DUSP15: variants seen among roughly 807,000 people sequenced by gnomAD.
DUSP15 encodes the protein dual specificity protein phosphatase 15.
A neutral mutation model predicts 26.3 loss-of-function variants in DUSP15; 23 were observed. The ratio of observed to expected loss-of-function variants is 0.87; its 90% CI spans 0.63 to 1.24. DUSP15 has a LOEUF of 1.24. DUSP15 is among the 50% of genes most tolerant of loss of function. The probability of loss-of-function intolerance (pLI) is 0.00; values close to 1 mark genes in which losing one functional copy is unlikely to be tolerated. For synonymous variants in DUSP15, 143 were observed against 135.5 expected (o/e 1.06, Z -0.39); for missense variants, 364 against 320.6 (o/e 1.14, Z -1.03).
At chr20:31,848,206 C>A in exon 10 of DUSP15, 1 of 534,982 alleles carries the variant, frequency 1.9e-6, no homozygotes, top group Non-Finnish European at 3.2e-6. Flanking sequence ...CAGTTTCCTG[C>A]CGAAGCCCCA....
rs1223026802 is a variant in DUSP15, at chr20:31,867,055, TG to T, written c.138+15del. On this transcript the variant is annotated intron_variant, in intron 3 of 6. Coordinates refer to ENST00000339738, the MANE Select transcript of DUSP15 (RefSeq NM_080611.5). ...CTCCCACCCCCGCATAGCCCTGGGA[TG>T]GGGGTAAGAAGTACCTGCAGCAGAG... 1.3e-6 allele frequency: 2 copies of T among 1,568,220 alleles called. No individual in the cohort carries two copies. Among genetic ancestry groups the T allele is most frequent in the Non-Finnish European group, 8.7e-7 (1 of 1,154,808 alleles).
chr20:31,846,324 G>A (rs1017164082), downstream of DUSP15, among the ~76,000 whole-genome samples: 1 of 143,514 alleles, frequency 7.0e-6, no homozygotes, highest in African/African-American at 2.6e-5. Flanking sequence ...ACACACACAC[G>A]TAGTATACGG....
chr20:31,863,086 G>A lies in DUSP15; in HGVS notation c.264-344C>T, dbSNP rs866037967. On this transcript the variant is annotated intron_variant, in intron 5 of 6. Coordinates refer to ENST00000339738, the MANE Select transcript of DUSP15 (RefSeq NM_080611.5). The stretch of plus-strand genomic sequence containing the variant: ...GCTTACAGTATGGCTGGGGGGGGGG[G>A]ACAGACGTTGATCAGATAATCAATT... 8.7e-3 allele frequency among the ~76,000 whole-genome samples: 1,137 copies of A among 131,238 alleles called. 15 individuals are homozygous for A. The highest frequency in any genetic ancestry group is 0.031 in the African/African-American group (1,061 of 34,446). The allele number at this position is 131,238 out of a possible 152,430, so 86.1% of individuals were successfully genotyped here.
downstream of DUSP15, chr20:31,845,714 C>T: frequency 1.3e-6 from 1 of 745,766 alleles, no homozygotes; most frequent in East Asian, 2.7e-5. Flanking sequence ...TCCCTCGCCC[C>T]ACTCCCACAA....
Position 31,861,375 on chromosome 20 carries a change from A to C in DUSP15, c.*28T>G, listed in dbSNP as rs2062645520. 2 of 1,511,400 alleles carry C rather than the reference A, an allele frequency of 1.3e-6. No individual in the cohort carries two copies. The highest frequency in any genetic ancestry group is 1.8e-6 in the Non-Finnish European group (2 of 1,138,240). The allele number at this position is 1,511,400 out of a possible 1,614,324, so 93.6% of individuals were successfully genotyped here. A position where few individuals can be genotyped will look rare whatever the true frequency, so the allele number is the denominator to read the frequency against. On this transcript the variant is annotated 3_prime_UTR_variant, in exon 7 of 7. Coordinates refer to ENST00000339738, the MANE Select transcript of DUSP15 (RefSeq NM_080611.5). ...CAGCCCCCGAAGGGAGCCAGTCGGA[A>C]GTGGGGAGCCACGGCTGGACTGCAT... is the stretch of plus-strand genomic sequence containing the variant.
exon 8 of DUSP15, chr20:31,849,756 G>A: frequency 6.5e-7 from 1 of 1,540,478 alleles, no homozygotes; most frequent in Non-Finnish European, 8.7e-7. Context: ...ACGTGAGGTG[G>A]CGGCCCCAGC....
chr20:31,864,115 A>C, intron 4 of DUSP15, 134 bp from the exon 5 acceptor site: 8 of 1,495,886 alleles, frequency 5.3e-6, no homozygotes, highest in Non-Finnish European at 7.2e-6. Flanking sequence ...ACATGCAGTG[A>C]ATATGGGCCA....
At chr20:31,848,225 T>G (rs952478255) in exon 10 of DUSP15, 17 of 575,912 alleles carry the variant, frequency 3.0e-5, no homozygotes, top group Non-Finnish European at 4.6e-5. Flanking sequence ...CATGCCCAGC[T>G]GGGGGGCGGT....
chr20:31,846,476 G>GAGAGAGAGAGAGAGAGAGAGAGA (rs1555791617), downstream of DUSP15, among the ~76,000 whole-genome samples: 3 of 128,448 alleles, frequency 2.3e-5, no homozygotes, highest in African/African-American at 1.2e-4. Context: ...GAGAGAGAGA[G>GAGAGAGAGAGAGAGAGAGAGAGA]GAGAGAGAGG....
intron 2 of DUSP15, among the ~76,000 whole-genome samples, chr20:31,868,488 T>A (rs1436750322): frequency 6.8e-6 from 1 of 146,998 alleles, no homozygotes; most frequent in African/African-American, 2.5e-5. Context: ...TTTTTTTTTT[T>A]TTTTTTTTTG....
At chr20:31,855,223 A>C (rs542949617) in intron 6 of DUSP15, among the ~76,000 whole-genome samples, 46 of 152,314 alleles carry the variant, frequency 3.0e-4, no homozygotes, top group African/African-American at 9.1e-4. Flanking sequence ...TGAAATAAGA[A>C]GGCAGAGAAT....
intron 6 of DUSP15, among the ~76,000 whole-genome samples, chr20:31,862,047 C>T (rs2062672268): frequency 6.6e-6 from 1 of 152,116 alleles, no homozygotes; most frequent in Non-Finnish European, 1.5e-5. Context: ...AGATTTCTTC[C>T]TTGCCCGACT....
chr20:31,864,078 A>T, intron 4 of DUSP15, 97 bp from the exon 5 acceptor site: 1 of 1,572,092 alleles, frequency 6.4e-7, no homozygotes, highest in Non-Finnish European at 8.7e-7. Flanking sequence ...AGGGACATAG[A>T]GCCCTGGGGT....
intron 3 of DUSP15, among the ~76,000 whole-genome samples, 165 bp from the exon 4 acceptor site, chr20:31,865,167 C>G (rs2062740920): frequency 1.3e-5 from 2 of 152,136 alleles, no homozygotes; most frequent in African/African-American, 4.8e-5. Context: ...CTGAGGCCTC[C>G]CAGCTGTGAC....
chr20:31,870,603 C>T (rs1247407868), upstream of DUSP15: 4 of 1,379,748 alleles, frequency 2.9e-6, no homozygotes, highest in Admixed American at 3.1e-5. The surrounding 1 kb of genome is among the most constrained non-coding windows in gnomAD (Gnocchi z 6.6). Flanking sequence ...GCCCCCGCCT[C>T]GGGTCGCGGC....
In DUSP15 at chr20:31,861,525, T is replaced by C. The variant is rs1295182377; in HGVS notation, c.586A>G (p.Thr196Ala). 1 of 1,519,084 alleles carries C rather than the reference T, an allele frequency of 6.6e-7. No homozygotes were observed. The highest frequency in any genetic ancestry group is 2.0e-5 in the Admixed American group (1 of 49,098). The allele number at this position is 1,519,084 out of a possible 1,614,324, so 94.1% of individuals were successfully genotyped here. ...GTGCGCGGCACCAGGCGCTGCACGG[T>C]TCCCTCGGAGGCTGCTGAGTGCGGC... The part of the protein sequence containing the change: ...AGPHSAASEG[T>A]VQRLVPRTPR... The change falls in exon 7 of 7, where the codon ACC becomes GCC. Residue 196 changes from threonine (T) to alanine (A), a missense_variant. Thr to Ala is a moderately conservative substitution (Grantham distance 58). Coordinates refer to ENST00000339738, the MANE Select transcript of DUSP15 (RefSeq NM_080611.5).
intron 5 of DUSP15, 69 bp from the exon 6 acceptor site, chr20:31,862,811 C>A: frequency 6.8e-7 from 1 of 1,462,696 alleles, no homozygotes; most frequent in Non-Finnish European, 9.1e-7. Context: ...AGGCACCCCA[C>A]CCTGCTTCAA....
At chr20:31,855,279 G>A (rs1009076693) in intron 6 of DUSP15, among the ~76,000 whole-genome samples, 2 of 152,184 alleles carry the variant, frequency 1.3e-5, no homozygotes, top group Admixed American at 6.5e-5. Flanking sequence ...TGGTTGGGGG[G>A]CAACTTACCT....
At chr20:31,865,528 A>C (rs1212659451) in intron 3 of DUSP15, among the ~76,000 whole-genome samples, 1 of 152,222 alleles carries the variant, frequency 6.6e-6, no homozygotes, top group Non-Finnish European at 1.5e-5. Flanking sequence ...CTGATTAGCC[A>C]CACAATATCA....
Sources: gnomAD v4.1 joint callset for allele counts (sites outside exome capture counted in the v4.1 genomes callset) on GRCh38, gnomAD v4.1.1 for gene constraint, Gnocchi (gnomAD v3.1) non-coding constraint, MANE v1.5 for transcripts, NCBI Gene and HGNC (gene_info 2026-07-23, HGNC 2026-07-21) for gene names.